The following CADPS variants were observed in gnomAD, a reference collection of about 807,000 sequenced individuals.
The protein encoded by CADPS is calcium dependent secretion activator, also known as calcium-dependent secretion activator 1.
Under a neutral mutation model 167.3 loss-of-function variants are expected in CADPS, and 57 were observed. The observed-to-expected ratio is 0.34, with a 90% confidence interval of 0.28 to 0.42. CADPS has a LOEUF of 0.42. Among genes scored for constraint, CADPS ranks in the 20% least tolerant of loss-of-function variants. CADPS has a pLI of 1.00. For synonymous variants in CADPS, 676 were observed against 635.3 expected (o/e 1.06, Z -0.96); for missense variants, 1,414 against 1,738.1 (o/e 0.81, Z 3.32).
chr3:62,570,238 T>TA (rs34173907), intron 9 of CADPS, among the ~76,000 whole-genome samples: 109,216 of 144,006 alleles, frequency 0.76, 42,947 homozygotes, highest in Non-Finnish European at 0.86. Flanking sequence ...TTGTTTCAGT[T>TA]AAAAAAAAAA....
chr3:62,718,044 T>C (rs1454159013), intron 3 of CADPS, among the ~76,000 whole-genome samples: 1 of 150,274 alleles, frequency 6.7e-6, no homozygotes, highest in Non-Finnish European at 1.5e-5. Context: ...TTTTTTTTTC[T>C]CTTGACCACT....
intron 1 of CADPS, among the ~76,000 whole-genome samples, chr3:62,807,151 G>A (rs1043021395): frequency 1.3e-5 from 2 of 152,146 alleles, no homozygotes; most frequent in Non-Finnish European, 2.9e-5. Context: ...ATGTCTAAAT[G>A]TCTTGATTAC....
At chr3:62,575,201 C>T (rs1463018286) in intron 8 of CADPS, among the ~76,000 whole-genome samples, 2 of 152,148 alleles carry the variant, frequency 1.3e-5, no homozygotes, top group Admixed American at 1.3e-4. Flanking sequence ...AAAAGAAGTT[C>T]ATAGAACCCA....
intron 20 of CADPS, 132 bp from the exon 21 acceptor site, chr3:62,491,612 T>C (rs1362495713): frequency 1.4e-6 from 1 of 736,076 alleles, no homozygotes; most frequent in African/African-American, 1.8e-5. Flanking sequence ...CTACATTAAA[T>C]ATACTGCTTC....
At chr3:62,765,744 A>AC (rs2086671179) in intron 2 of CADPS, 127 bp downstream of exon 2, 1 of 564,072 alleles carries the variant, frequency 1.8e-6, no homozygotes, top group East Asian at 2.7e-5. Flanking sequence ...CGAATCACCA[A>AC]CCCATTTGCC....
chr3:62,691,911 A>G (rs1024309447), intron 3 of CADPS, among the ~76,000 whole-genome samples: 3 of 152,092 alleles, frequency 2.0e-5, no homozygotes, highest in Non-Finnish European at 4.4e-5. Flanking sequence ...CACATCCTGC[A>G]CATGTACCCC....
At chr3:62,811,937 T>G (rs1239084114) in intron 1 of CADPS, among the ~76,000 whole-genome samples, 45 of 152,190 alleles carry the variant, frequency 3.0e-4, no homozygotes, top group Non-Finnish European at 5.9e-5. Flanking sequence ...TACCTCAGTG[T>G]TTTTTAATGG....
At chr3:62,638,195 C>T (rs1423203983) in intron 6 of CADPS, among the ~76,000 whole-genome samples, 1 of 151,904 alleles carries the variant, frequency 6.6e-6, no homozygotes, top group Non-Finnish European at 1.5e-5. Flanking sequence ...GAACGCAGTG[C>T]TCTGGCTCTC....
intron 28 of CADPS, among the ~76,000 whole-genome samples, chr3:62,437,583 TGTAA>T (rs1289683817): frequency 3.3e-5 from 5 of 152,096 alleles, no homozygotes; most frequent in African/African-American, 1.2e-4. Flanking sequence ...GCAACTCTAA[TGTAA>T]GTGTTTGCCA....
intron 1 of CADPS, among the ~76,000 whole-genome samples, chr3:62,858,352 C>T (rs2080102632): frequency 6.6e-6 from 1 of 152,100 alleles, no homozygotes; most frequent in South Asian, 2.1e-4. Flanking sequence ...CTTCCATAGT[C>T]CATCAGGAGA....
rs952022992 is a variant in CADPS, at chr3:62,402,603, C to T, written c.3882+478G>A. 8.5e-5 allele frequency among the ~76,000 whole-genome samples: 13 copies of T among 152,266 alleles called. No homozygotes were observed. In the South Asian group the frequency reaches 1.0e-3, roughly 12 times the overall value. Reference sequence around the variant, plus strand: ...TTGATTGTATACACGCATTGTAAGACGAACTACTTCAATTAACTATGAGAA... The same window carrying T: ...TTGATTGTATACACGCATTGTAAGATGAACTACTTCAATTAACTATGAGAA... On this transcript the variant is annotated intron_variant, in intron 29 of 29. Coordinates refer to ENST00000383710, the MANE Select transcript of CADPS (RefSeq NM_003716.4).
At chr3:62,599,747 TCTATTATATATATTG>T (rs2059541987) in intron 6 of CADPS, among the ~76,000 whole-genome samples, 1 of 18,614 alleles carries the variant, frequency 5.4e-5, no homozygotes, top group African/African-American at 2.6e-4. Context: ...ATATATATAA[TCTATTATATATATTG>T]TATATATAAT....
At chr3:62,770,937 C>G (rs1264217930) in intron 1 of CADPS, among the ~76,000 whole-genome samples, 1 of 152,066 alleles carries the variant, frequency 6.6e-6, no homozygotes, top group Non-Finnish European at 1.5e-5. Flanking sequence ...GAGATTCATC[C>G]CTGTGGTTAG....
chr3:62,770,511 C>T (rs903726899), intron 1 of CADPS, among the ~76,000 whole-genome samples: 5 of 152,136 alleles, frequency 3.3e-5, no homozygotes, highest in East Asian at 1.9e-4. Context: ...CTGCAAACTC[C>T]GCCTCCTAGG....
At chr3:62,518,331 T>C (rs1350468293) in intron 13 of CADPS, 81 bp from the exon 14 acceptor site, 4 of 1,054,792 alleles carry the variant, frequency 3.8e-6, no homozygotes, top group South Asian at 1.4e-5. Context: ...GAGGAAACTG[T>C]CCATTTTAGA....
chr3:62,552,089 C>T (rs1305824354), intron 10 of CADPS, among the ~76,000 whole-genome samples: 1 of 151,878 alleles, frequency 6.6e-6, no homozygotes, highest in Non-Finnish European at 1.5e-5. Flanking sequence ...AATGAATATG[C>T]TCTAGATCCA....
At chr3:62,729,992 C>G (rs189166073) in intron 3 of CADPS, among the ~76,000 whole-genome samples, 2 of 151,868 alleles carry the variant, frequency 1.3e-5, no homozygotes, top group Admixed American at 1.3e-4. Context: ...TGGTTTGAGA[C>G]CTTTCAGAGC....
chr3:62,803,002 G>A (rs2093864378), intron 1 of CADPS, among the ~76,000 whole-genome samples: 2 of 152,154 alleles, frequency 1.3e-5, no homozygotes, highest in South Asian at 2.1e-4. Flanking sequence ...CTTCTGAGAT[G>A]AGCAAGAAGA....
At chr3:62,854,386 T>G (rs1410217484) in intron 1 of CADPS, among the ~76,000 whole-genome samples, 11 of 152,206 alleles carry the variant, frequency 7.2e-5, no homozygotes, top group Non-Finnish European at 1.6e-4. Context: ...TCAATTTTGC[T>G]CTATCGTTTC....
Sources: allele counts gnomAD v4.1 joint callset (sites outside exome capture counted in the v4.1 genomes callset), GRCh38; gene constraint gnomAD v4.1.1; transcripts MANE v1.5; gene names NCBI Gene and HGNC (gene_info 2026-07-23, HGNC 2026-07-21).